C19orf47: variants seen among roughly 807,000 people sequenced by gnomAD.
C19orf47 encodes the protein chromosome 19 open reading frame 47.
C19orf47 carries 18 observed loss-of-function variants against 32.3 expected under a neutral mutation model. That is an observed-to-expected ratio of 0.56 (90% CI 0.39 to 0.83). The LOEUF (loss-of-function observed/expected upper bound fraction) is 0.83, where lower values mean the gene tolerates loss of function less well. Among genes scored for constraint, C19orf47 ranks in the 40% least tolerant of loss-of-function variants. The probability of loss-of-function intolerance (pLI) is 0.00; values close to 1 mark genes in which losing one functional copy is unlikely to be tolerated. For missense variants in C19orf47, 484 were observed against 531.6 expected (o/e 0.91, Z 0.88); for synonymous variants, 202 against 211.1 (o/e 0.96, Z 0.37).
chr19:40,308,387 C>T, the C19orf47 span, among the ~76,000 whole-genome samples: 1 of 151,508 alleles, frequency 6.6e-6, no homozygotes, highest in Admixed American at 6.6e-5. Context: ...GCTCTCCTGA[C>T]CTGGTGATCT....
intron 5 of C19orf47, among the ~76,000 whole-genome samples, chr19:40,332,854 T>C (rs1226825896): frequency 6.6e-6 from 1 of 152,224 alleles, no homozygotes; most frequent in Non-Finnish European, 1.5e-5. Context: ...GAAGGCATTC[T>C]CACCCTCTTA....
chr19:40,348,520 G>A, upstream of C19orf47: 1 of 1,480,206 alleles, frequency 6.8e-7, no homozygotes, highest in Non-Finnish European at 8.9e-7. Flanking sequence ...ACCATCACGT[G>A]ACCGCCCACC....
Position 40,321,716 on chromosome 19 carries a change from A to C in C19orf47, c.*166T>G. 21 of 1,422,096 alleles carry C rather than the reference A, an allele frequency of 1.5e-5. No homozygotes were observed. Among genetic ancestry groups the C allele is most frequent in the East Asian group, 7.7e-5 (3 of 39,004 alleles). 88.1% of individuals were successfully genotyped at this position (1,422,096 alleles called of 1,614,324 possible). On this transcript the variant is annotated 3_prime_UTR_variant, in exon 9 of 9. Coordinates refer to ENST00000683109, the MANE Select transcript of C19orf47 (RefSeq NM_001256441.2). ...CCAGCTGCGACGACCATCCCAGGCT[A>C]GGAGAAATGGGGTGATCCCCCGAAT...
chr19:40,348,117 C>T (rs1010697887), intron 1 of C19orf47, among the ~76,000 whole-genome samples: 1 of 152,168 alleles, frequency 6.6e-6, no homozygotes, highest in African/African-American at 2.4e-5. Flanking sequence ...ATCCAACGTA[C>T]ACGACCTGAC....
Position 40,337,235 on chromosome 19 carries a change from T to C in C19orf47, c.20-828A>G, listed in dbSNP as rs542969859. The stretch of plus-strand genomic sequence containing the variant: ...TGCAGACTCAATGAGAACCTCCATA[T>C]AAAAGGCTTTAAATGATGCTTGACC... On this transcript the variant is annotated intron_variant, in intron 2 of 8. Coordinates refer to ENST00000683109, the MANE Select transcript of C19orf47 (RefSeq NM_001256441.2). Among the ~76,000 whole-genome samples the C allele has an allele frequency of 8.6e-5, 13 of 151,820 alleles. No individual in the cohort carries two copies. In the East Asian group the frequency reaches 2.3e-3, roughly 27 times the overall value.
chr19:40,319,299 T>G (rs2077684992), downstream of C19orf47, among the ~76,000 whole-genome samples: 1 of 133,524 alleles, frequency 7.5e-6, no homozygotes, highest in African/African-American at 2.9e-5. Context: ...AAAAATAAAA[T>G]AAAATGGTTA....
the C19orf47 span, among the ~76,000 whole-genome samples, chr19:40,306,250 A>G: frequency 6.6e-6 from 1 of 152,140 alleles, no homozygotes; most frequent in Non-Finnish European, 1.5e-5. Context: ...ATGTTCTCCA[A>G]CCTAATTCTC....
downstream of C19orf47, among the ~76,000 whole-genome samples, chr19:40,316,009 AAGAG>A (rs201817186): frequency 2.0e-3 from 308 of 151,268 alleles, 4 homozygotes; most frequent in Admixed American, 0.014. Context: ...CAAAAAAAAA[AAGAG>A]AGAGAGAGAG....
At chr19:40,315,572 G>C (rs1313283046), downstream of C19orf47, among the ~76,000 whole-genome samples, 1 of 152,174 alleles carries the variant, frequency 6.6e-6, no homozygotes, top group Non-Finnish European at 1.5e-5. Flanking sequence ...CCTGAGGTCA[G>C]GAATTCGAGA....
At chr19:40,315,909 G>GATC (rs1176584108), downstream of C19orf47, among the ~76,000 whole-genome samples, 1 of 151,942 alleles carries the variant, frequency 6.6e-6, no homozygotes, top group Non-Finnish European at 1.5e-5. Flanking sequence ...AGTGAGCTGG[G>GATC]ATCATACCAC....
intron 6 of C19orf47, among the ~76,000 whole-genome samples, chr19:40,328,057 C>T (rs1330110205): frequency 1.3e-5 from 2 of 152,094 alleles, no homozygotes; most frequent in Non-Finnish European, 2.9e-5. Flanking sequence ...TAACCTATGA[C>T]CCCAGGCATC....
chr19:40,326,274 T>C, intron 7 of C19orf47, 60 bp downstream of exon 7: 1 of 1,599,398 alleles, frequency 6.3e-7, no homozygotes, highest in East Asian at 2.2e-5. Flanking sequence ...ACGGGCCCTG[T>C]GTGATGCAGA....
intron 5 of C19orf47, chr19:40,332,528 T>C (rs940113725): frequency 3.3e-5 from 5 of 151,594 alleles, no homozygotes; most frequent in African/African-American, 1.2e-4. Flanking sequence ...GCACCTGTAA[T>C]CCCAGCTACT....
At position 40,338,352 on chromosome 19, in the gene C19orf47, C is replaced by T. The variant is rs376152281; in HGVS notation, c.20-1945G>A. Among the ~76,000 whole-genome samples the T allele has an allele frequency of 3.5e-3, 527 of 149,574 alleles. 2 individuals carry two copies. The highest frequency in any genetic ancestry group is 7.0e-3 in the Middle Eastern group (2 of 284). On this transcript the variant is annotated intron_variant, in intron 2 of 8. Coordinates refer to ENST00000683109, the MANE Select transcript of C19orf47 (RefSeq NM_001256441.2). ...ATATATACACAAATATATATATACA[C>T]ACACACACACAAATACATATATATA...
At chr19:40,307,635 C>T in the C19orf47 span, among the ~76,000 whole-genome samples, 2 of 152,180 alleles carry the variant, frequency 1.3e-5, no homozygotes, top group South Asian at 2.1e-4. Context: ...CTGCCTCTGT[C>T]TCCCACAGTA....
the C19orf47 span, among the ~76,000 whole-genome samples, chr19:40,308,896 C>T: frequency 0.2 from 31,044 of 151,940 alleles, 3,957 homozygotes; most frequent in East Asian, 0.28. Flanking sequence ...ATGGCCAGAC[C>T]CTGTCTCTAC....
At chr19:40,328,762 C>G (rs1207095139) in intron 5 of C19orf47, among the ~76,000 whole-genome samples, 1 of 152,086 alleles carries the variant, frequency 6.6e-6, no homozygotes, top group African/African-American at 2.4e-5. Flanking sequence ...CCTCCCTATC[C>G]TGGGAGCCTT....
At chr19:40,300,351 G>C in the C19orf47 span, among the ~76,000 whole-genome samples, 4 of 151,556 alleles carry the variant, frequency 2.6e-5, no homozygotes, top group African/African-American at 9.7e-5. Flanking sequence ...TGTAATCCCA[G>C]CTACTTGGGA....
the C19orf47 span, among the ~76,000 whole-genome samples, chr19:40,305,432 C>A: frequency 6.6e-6 from 1 of 151,830 alleles, no homozygotes; most frequent in South Asian, 2.1e-4. Context: ...ATATAAACAC[C>A]ACCTGATCTT....
Sources: gnomAD v4.1 joint callset for allele counts (sites outside exome capture counted in the v4.1 genomes callset) on GRCh38, gnomAD v4.1.1 for gene constraint, MANE v1.5 for transcripts, NCBI Gene and HGNC (gene_info 2026-07-23, HGNC 2026-07-21) for gene names.